The following EXO1 variants were observed in gnomAD, a reference collection of about 807,000 sequenced individuals.
EXO1 encodes the protein exonuclease 1.
A neutral mutation model predicts 84.5 loss-of-function variants in EXO1; 69 were observed. The observed-to-expected ratio is 0.82, with a 90% CI of 0.67 to 1.00. The LOEUF is 1.00. Among genes scored for constraint, EXO1 ranks in the 50% least tolerant of loss-of-function variants. The probability of loss-of-function intolerance (pLI) is 0.00; values close to 1 mark genes in which losing one functional copy is unlikely to be tolerated. For missense variants in EXO1, 1,045 were observed against 1,000.7 expected, an observed-to-expected ratio of 1.04 and a Z score of -0.60; for synonymous variants, 373 against 366.1, an observed-to-expected ratio of 1.02 and a Z score of -0.21.
chr1:241,864,386 A>G (rs546920381), intron 10 of EXO1, among the ~76,000 whole-genome samples: 1 of 152,230 alleles, frequency 6.6e-6, no homozygotes, highest in Non-Finnish European at 1.5e-5. Context: ...TTGCCATTCA[A>G]TATTTAGCCT....
chr1:241,876,679 A>G (rs1020533681), intron 12 of EXO1, among the ~76,000 whole-genome samples: 1 of 152,180 alleles, frequency 6.6e-6, no homozygotes, highest in Non-Finnish European at 1.5e-5. Context: ...TCTCACAACA[A>G]TATTATGAGA....
intron 14 of EXO1, among the ~76,000 whole-genome samples, chr1:241,884,470 A>G (rs186699783): frequency 1.3e-5 from 2 of 152,344 alleles, no homozygotes; most frequent in Admixed American, 1.3e-4. Context: ...CTAAATGTCA[A>G]TAGAGGTTTG....
intron 10 of EXO1, among the ~76,000 whole-genome samples, chr1:241,863,926 T>C (rs1006786646): frequency 2.6e-5 from 4 of 151,876 alleles, no homozygotes; most frequent in African/African-American, 4.8e-5. Flanking sequence ...TCTTTACTTC[T>C]ACTATCATAT....
chr1:241,889,023 G>A (rs1663225735), intron 15 of EXO1, among the ~76,000 whole-genome samples: 1 of 152,010 alleles, frequency 6.6e-6, no homozygotes, highest in Non-Finnish European at 1.5e-5. Flanking sequence ...AGTGAGCCAA[G>A]ATCGTGCCAC....
rs1663265879 is a variant in EXO1 at position 241,889,565 on chromosome 1, G to C, written c.2506G>C (p.Glu836Gln). 6.2e-7 allele frequency: 1 copy of C among 1,613,964 alleles called. No individual in the cohort carries two copies. The highest frequency in any genetic ancestry group is 1.6e-4 in the Middle Eastern group (1 of 6,084). The change falls in exon 16 of 16, where the codon GAA becomes CAA. Residue 836 changes from glutamate (E) to glutamine (Q), a missense_variant. Glu to Gln is a conservative substitution (Grantham distance 29). Coordinates refer to ENST00000366548, the MANE Select transcript of EXO1 (RefSeq NM_130398.4). ...EAEEDIFNKPECGRVQRAIFQ is the reference protein window; with the variant it reads ...EAEEDIFNKPQCGRVQRAIFQ ...GGAAGAGGATATATTTAACAAACCT[G>C]AATGTGGCCGTGTTCAAAGAGCAAT... is the stretch of plus-strand genomic sequence containing the variant.
At chr1:241,848,046 C>G (rs2148363799), upstream of EXO1, 1 of 152,388 alleles carries the variant, frequency 6.6e-6, no homozygotes, top group East Asian at 1.9e-4. This position sits in a 1 kb window ranked among gnomAD's most constrained non-coding sequence, Gnocchi z 4.2. Context: ...CGGCTGCAGT[C>G]GTATGGCAGT....
rs1255562986 is a variant in EXO1, at chr1:241,872,258, G to T, written c.1494G>T (p.Val498=). The T allele has an allele frequency of 6.2e-7, 1 of 1,613,974 alleles. No individual in the cohort carries two copies. Among genetic ancestry groups the T allele is most frequent in the Non-Finnish European group, 8.5e-7 (1 of 1,179,946 alleles). ...AAAATGAAGAAAGTGGTGCAGTTGT[G>T]GTTCCAGGGACCAGAAGCAGGTATA... ...QRKNEESGAV[V]VPGTRSRFFC... Residue 498 remains valine, a synonymous_variant, in exon 12 of 16, where the codon GTG becomes GTT. Coordinates refer to ENST00000366548, the MANE Select transcript of EXO1 (RefSeq NM_130398.4).
At position 241,879,089 on chromosome 1, in the gene EXO1, T is replaced by C. The variant is rs1445401930; in HGVS notation, c.1855T>C (p.Ser619Pro). 1 of 1,613,962 alleles carries C rather than the reference T, an allele frequency of 6.2e-7. No homozygotes were observed. Among genetic ancestry groups the C allele is most frequent in the African/African-American group, 1.3e-5 (1 of 74,930 alleles). The change falls in exon 13 of 16, where the codon TCA becomes CCA. Residue 619 changes from serine to proline, a missense_variant. Physicochemically the swap from Ser to Pro is moderately conservative, Grantham distance 74 (BLOSUM62 -1). Coordinates refer to ENST00000366548, the MANE Select transcript of EXO1 (RefSeq NM_130398.4). ...FSWSGGLGDF[S>P]RTPSPSPSTA... ...TTGGTCTGGAGGTCTTGGAGATTTT[T>C]CAAGAACGCCGAGCCCCTCTCCAAG...
chr1:241,855,078 C>T (rs1293794862), intron 6 of EXO1, among the ~76,000 whole-genome samples: 2 of 152,140 alleles, frequency 1.3e-5, no homozygotes, highest in African/African-American at 4.8e-5. Flanking sequence ...AGATGTATTG[C>T]AAAGAGCGAA....
Position 241,858,674 on chromosome 1 carries a change from G to C in EXO1, c.712G>C (p.Ala238Pro), listed in dbSNP as rs1439711554. 6.2e-7 allele frequency: 1 copy of C among 1,614,034 alleles called. No individual in the cohort carries two copies. Among genetic ancestry groups the C allele is most frequent in the Non-Finnish European group, 8.5e-7 (1 of 1,179,942 alleles). Residue 238 changes from alanine to proline, a missense_variant, in exon 8 of 16, where the codon GCA becomes CCA. Physicochemically the swap from Ala to Pro is conservative, Grantham distance 27. Coordinates refer to ENST00000366548, the MANE Select transcript of EXO1 (RefSeq NM_130398.4). Reference sequence around the variant, plus strand: ...ACTGCGTGGGATTGGATTAGCAAAGGCATGCAAAGTCCTAAGACTAGCCAA... The same window carrying C: ...ACTGCGTGGGATTGGATTAGCAAAGCCATGCAAAGTCCTAAGACTAGCCAA... ...SSLRGIGLAK[A>P]CKVLRLANNP... is the part of the protein sequence containing the mutation.
intron 14 of EXO1, among the ~76,000 whole-genome samples, chr1:241,884,334 A>G (rs908580595): frequency 9.2e-5 from 14 of 152,094 alleles, no homozygotes; most frequent in East Asian, 3.9e-4. Flanking sequence ...TCCTACACAC[A>G]CTGCCAGATT....
At chr1:241,885,835 TG>T (rs1663033581) in intron 15 of EXO1, among the ~76,000 whole-genome samples, 3 of 100,696 alleles carry the variant, frequency 3.0e-5, no homozygotes, top group Non-Finnish European at 4.1e-5. Flanking sequence ...AAATTTTATT[TG>T]GTTTTTTGTT....
At chr1:241,853,241 T>C in intron 5 of EXO1, 117 bp from the exon 6 acceptor site, 2 of 1,071,368 alleles carry the variant, frequency 1.9e-6, no homozygotes, top group Non-Finnish European at 2.8e-6. Flanking sequence ...GTGTACTTTC[T>C]AATGAGTCAA....
chr1:241,856,945 A>G (rs1395089215), intron 6 of EXO1, among the ~76,000 whole-genome samples: 1 of 152,146 alleles, frequency 6.6e-6, no homozygotes, highest in Non-Finnish European at 1.5e-5. Context: ...AGGTGGGAAG[A>G]TCACCTGAGC....
Position 241,848,949 on chromosome 1 carries a change from A to G in EXO1, c.-201A>G, listed in dbSNP as rs1345639414. On this transcript the variant is annotated 5_prime_UTR_variant, in exon 2 of 16. Coordinates refer to ENST00000366548, the MANE Select transcript of EXO1 (RefSeq NM_130398.4). This position sits in a 1 kb window ranked among gnomAD's most constrained non-coding sequence, Gnocchi z 4.2. Reference sequence around the variant, plus strand: ...GAGGATATTTGCCTGGCCCAGAAGAAACTTATGTAAATTTCATGAACTATT... The same window carrying G: ...GAGGATATTTGCCTGGCCCAGAAGAGACTTATGTAAATTTCATGAACTATT... The G allele has an allele frequency of 6.6e-6, 1 of 152,220 alleles. No individual in the cohort carries two copies. The highest frequency in any genetic ancestry group is 1.5e-5 in the Non-Finnish European group (1 of 68,050). 9.4% of individuals were successfully genotyped at this position (152,220 alleles called of 1,614,324 possible).
chr1:241,874,019 A>T (rs963095814), intron 12 of EXO1, among the ~76,000 whole-genome samples: 1 of 152,148 alleles, frequency 6.6e-6, no homozygotes, highest in Non-Finnish European at 1.5e-5. Context: ...ATGGGTGGTG[A>T]GGGGAGCAGA....
chr1:241,880,501 A>G (rs1662691369), intron 13 of EXO1, among the ~76,000 whole-genome samples: 1 of 152,110 alleles, frequency 6.6e-6, no homozygotes, highest in Admixed American at 6.5e-5. Context: ...ACCTTTTTTT[A>G]TGTACTAATG....
intron 10 of EXO1, among the ~76,000 whole-genome samples, chr1:241,862,684 T>C (rs1461663140): frequency 6.6e-6 from 1 of 152,262 alleles, no homozygotes; most frequent in Admixed American, 6.5e-5. Context: ...TGATATTTAC[T>C]ATGTTTATAT....
Position 241,885,508 on chromosome 1 carries a change from G to A in EXO1, c.2405+1G>A. The stretch of plus-strand genomic sequence containing the variant: ...TCTGGAAAAACTTTGGATTTAAAAA[G>A]TGAGTTGCCTTGTTTCTTATTCTGA... On this transcript the variant is annotated splice_donor_variant, in intron 15 of 15. Transcript: ENST00000366548. LOFTEE classifies it high-confidence loss of function. 6.2e-7 allele frequency: 1 copy of A among 1,607,072 alleles called. No homozygotes were observed. The highest frequency in any genetic ancestry group is 8.5e-7 in the Non-Finnish European group (1 of 1,173,726).
Sources: gnomAD v4.1 joint callset for allele counts (sites outside exome capture counted in the v4.1 genomes callset) on GRCh38, gnomAD v4.1.1 for gene constraint, Gnocchi (gnomAD v3.1) non-coding constraint, MANE v1.5 for transcripts, NCBI Gene and HGNC (gene_info 2026-07-23, HGNC 2026-07-21) for gene names.